MEMO1: variants seen among roughly 807,000 people sequenced by gnomAD.
MEMO1 encodes mediator of cell motility 1.
A neutral mutation model predicts 45.2 loss-of-function variants in MEMO1; 6 were observed. The observed-to-expected ratio is 0.13, with a 90% CI of 0.07 to 0.26. The LOEUF is 0.26. Ranked by LOEUF, MEMO1 falls within the 10% of genes least tolerant of loss-of-function variation. The probability of loss-of-function intolerance (pLI) is 1.00; values close to 1 mark genes in which losing one functional copy is unlikely to be tolerated. For synonymous variants in MEMO1, 78 were observed against 124.3 expected, an observed-to-expected ratio of 0.63 and a Z score of 2.48; for missense variants, 184 against 370.5, an observed-to-expected ratio of 0.50 and a Z score of 4.13.
intron 2 of MEMO1, among the ~76,000 whole-genome samples, chr2:31,967,514 T>A (rs1182120588): frequency 6.6e-6 from 1 of 152,122 alleles, no homozygotes; most frequent in Non-Finnish European, 1.5e-5. Context: ...AGTGGCATAA[T>A]TATGACTCAC....
At chr2:31,873,647 G>T (rs1251369784) in intron 8 of MEMO1, among the ~76,000 whole-genome samples, 1 of 151,944 alleles carries the variant, frequency 6.6e-6, no homozygotes. Flanking sequence ...ACATTTTAGA[G>T]GCACTTACGA....
intron 4 of MEMO1, chr2:31,923,387 AATT>A (rs1261414659): frequency 3.6e-6 from 1 of 280,928 alleles, no homozygotes; most frequent in Non-Finnish European, 6.6e-6. Context: ...TTCAATATGT[AATT>A]ATTAGCACTG....
rs1681449817 is a variant in MEMO1 at position 31,916,382 on chromosome 2, C to A, written c.437+1544G>T. On this transcript the variant is annotated intron_variant, in intron 6 of 9. Transcript: ENST00000404530. ...TAGCTGGGACAACAAGCACCCGACA[C>A]CACACACCGCTAATTTTTCTATTTT... 3.9e-5 allele frequency among the ~76,000 whole-genome samples: 6 copies of A among 152,208 alleles called. No individual in the cohort carries two copies. In the South Asian group the frequency reaches 1.2e-3, roughly 32 times the overall value.
chr2:31,921,459 T>C (rs186694095), intron 4 of MEMO1, among the ~76,000 whole-genome samples: 213 of 152,306 alleles, frequency 1.4e-3, no homozygotes, highest in African/African-American at 5.0e-3. Context: ...TATTCAATAC[T>C]TGGAAATACC....
chr2:31,914,745 G>A (rs1012498553), intron 6 of MEMO1, among the ~76,000 whole-genome samples: 2 of 152,006 alleles, frequency 1.3e-5, no homozygotes, highest in African/African-American at 4.8e-5. Flanking sequence ...CTTGAGACCA[G>A]GAGGTCAAGA....
chr2:31,919,984 G>A lies in MEMO1; in HGVS notation c.325+814C>T, dbSNP rs188815754. Among the ~76,000 whole-genome samples the A allele has an allele frequency of 2.2e-3, 331 of 151,546 alleles. 1 individual carries two copies. Among genetic ancestry groups the A allele is most frequent in the African/African-American group, 7.3e-3 (302 of 41,278 alleles). ...TGTGTGTGTGTGTGTGTGTACATGCGTGTGTGTGAATAATTTGACTAACTG... is the reference window on the plus strand; with the variant it reads ...TGTGTGTGTGTGTGTGTGTACATGCATGTGTGTGAATAATTTGACTAACTG... On this transcript the variant is annotated intron_variant, in intron 5 of 9. Transcript: ENST00000404530.
intron 6 of MEMO1, among the ~76,000 whole-genome samples, chr2:31,906,497 G>C (rs1679762970): frequency 6.6e-6 from 1 of 151,472 alleles, no homozygotes; most frequent in Admixed American, 6.6e-5. Flanking sequence ...CTAATTTTTT[G>C]TATCTTTAGT....
chr2:31,874,482 A>T (rs1233966598), intron 8 of MEMO1, among the ~76,000 whole-genome samples: 2 of 152,098 alleles, frequency 1.3e-5, no homozygotes, highest in Non-Finnish European at 2.9e-5. Context: ...AAGATATTCA[A>T]GTGCTAGAAA....
intron 4 of MEMO1, among the ~76,000 whole-genome samples, chr2:31,927,363 G>A (rs903547653): frequency 3.3e-5 from 5 of 152,020 alleles, no homozygotes; most frequent in South Asian, 4.1e-4. Context: ...TTCAGATTTC[G>A]CATTATAACT....
intron 3 of MEMO1, among the ~76,000 whole-genome samples, chr2:31,939,186 T>C (rs927473352): frequency 6.6e-6 from 1 of 152,112 alleles, no homozygotes; most frequent in Admixed American, 6.5e-5. Context: ...TTGGCTATAC[T>C]TATAAAGTCT....
At position 31,925,475 on chromosome 2, in the gene MEMO1, C is replaced by CAAA. The variant is rs70964741; in HGVS notation, c.213-4568_213-4566dup. 1.2e-3 allele frequency among the ~76,000 whole-genome samples: 97 copies of CAAA among 79,192 alleles called. 5 individuals are homozygous for CAAA. In the East Asian group the frequency reaches 0.02, roughly 16 times the overall value. The allele number at this position is 79,192 out of a possible 152,430, so 52.0% of individuals were successfully genotyped here. On this transcript the variant is annotated intron_variant, in intron 4 of 9. Coordinates refer to ENST00000404530, the MANE Select transcript of MEMO1 (RefSeq NM_001301833.4). Reference sequence around the variant, plus strand: ...TGGGGGACAGAGCAAGACTCCGTCTCAAAAAAAAAAAAAAAAAAAAAAAAT... The same window carrying CAAA: ...TGGGGGACAGAGCAAGACTCCGTCTCAAAAAAAAAAAAAAAAAAAAAAAAAAAT...
rs988858427 is a variant in MEMO1, at chr2:31,943,340, T to A, written c.105A>T (p.Val35=). The change falls in exon 3 of 10, where the codon GTA becomes GTT. Residue 35 remains valine, a synonymous_variant. Transcript: ENST00000404530. ...NAQLEGWLSQ[V]QSTKRPARAI... is the part of the protein sequence containing the mutation. ...CTCTAGCAGGTCTTTTTGTAGACTG[T>A]ACTTGTGAAAGCCAACCTTCTAGCT... 15 of 1,613,864 alleles carry A rather than the reference T, an allele frequency of 9.3e-6. No homozygotes were observed. In the African/African-American group the frequency reaches 1.3e-4, roughly 14 times the overall value.
chr2:31,872,573 A>G (rs1190472928), intron 8 of MEMO1, among the ~76,000 whole-genome samples: 1 of 152,222 alleles, frequency 6.6e-6, no homozygotes, highest in Non-Finnish European at 1.5e-5. Context: ...TAACTGGTCA[A>G]GAAAACCTAA....
At chr2:32,001,036 T>C (rs1366270998) in intron 2 of MEMO1, among the ~76,000 whole-genome samples, 2 of 144,756 alleles carry the variant, frequency 1.4e-5, no homozygotes, top group Admixed American at 1.4e-4. Flanking sequence ...ATTTTGATTT[T>C]TTTTTTTTTT....
intron 2 of MEMO1, among the ~76,000 whole-genome samples, chr2:31,988,280 C>T (rs372922997): frequency 2.0e-5 from 3 of 152,198 alleles, no homozygotes; most frequent in East Asian, 3.8e-4. Flanking sequence ...GGCATGGTAG[C>T]TCACGCCTGT....
intron 2 of MEMO1, among the ~76,000 whole-genome samples, chr2:31,965,496 A>G (rs541052997): frequency 6.6e-6 from 1 of 152,310 alleles, no homozygotes; most frequent in South Asian, 2.1e-4. Context: ...TTACAGAACC[A>G]CAATTTTAGA....
rs6749196 is a variant in MEMO1, at chr2:31,986,345, G to A, written c.61+23842C>T. On this transcript the variant is annotated intron_variant, in intron 2 of 9. Coordinates refer to ENST00000404530, the MANE Select transcript of MEMO1 (RefSeq NM_001301833.4). ...AAATTAACCAGGCGTGGTGGCGGGG[G>A]CTTGTAGTCCCAGCCAGTCGGGAGG... Among the ~76,000 whole-genome samples, 170 of 152,214 alleles carry A rather than the reference G, an allele frequency of 1.1e-3. 2 individuals carry two copies. Among genetic ancestry groups the A allele is most frequent in the African/African-American group, 4.0e-3 (166 of 41,550 alleles).
At chr2:31,917,359 A>AC in intron 6 of MEMO1, among the ~76,000 whole-genome samples, 1 of 152,294 alleles carries the variant, frequency 6.6e-6, no homozygotes, top group East Asian at 1.9e-4. Context: ...TATGTGCTGG[A>AC]CACTGTGCTA....
chr2:31,920,740 C>A, intron 5 of MEMO1, 58 bp downstream of exon 5: 4 of 954,328 alleles, frequency 4.2e-6, no homozygotes, highest in South Asian at 4.7e-5. Flanking sequence ...AATTAATTTA[C>A]AAGTCCTGTT....
Sources: gnomAD v4.1 joint callset for allele counts (sites outside exome capture counted in the v4.1 genomes callset) on GRCh38, gnomAD v4.1.1 for gene constraint, MANE v1.5 for transcripts, NCBI Gene and HGNC (gene_info 2026-07-23, HGNC 2026-07-21) for gene names.